Variants in APPL1 observed in about 807,000 individuals in gnomAD.
APPL1 encodes adaptor protein, phosphotyrosine interacting with PH domain and leucine zipper 1.
Under a neutral mutation model 106.8 loss-of-function variants are expected in APPL1, and 42 were observed. The observed-to-expected ratio is 0.39, with a 90% confidence interval of 0.31 to 0.51. The LOEUF (loss-of-function observed/expected upper bound fraction) is 0.51. Ranked by LOEUF, APPL1 falls within the 20% of genes least tolerant of loss-of-function variation. APPL1 has a pLI of 0.75. For missense variants in APPL1, 769 were observed against 858.2 expected, an observed-to-expected ratio of 0.90 and a Z score of 1.30; for synonymous variants, 263 against 281.8, an observed-to-expected ratio of 0.93 and a Z score of 0.67.
At chr3:57,261,056 A>G (rs888842415) in intron 19 of APPL1, among the ~76,000 whole-genome samples, 1 of 152,024 alleles carries the variant, frequency 6.6e-6, no homozygotes, top group Non-Finnish European at 1.5e-5. Flanking sequence ...TATTCTTTCT[A>G]TCGTAATTTA....
chr3:57,235,612 C>T lies in APPL1; in HGVS notation c.101C>T (p.Ser34Phe). Residue 34 changes from serine (S) to phenylalanine (F), a missense_variant, in exon 2 of 22, where the codon TCC becomes TTC. By Grantham distance (155) the Ser-to-Phe change is radical (BLOSUM62 -2). Transcript: ENST00000288266. ...TTTGAAGAAGATGCCACAGCTATTT[C>T]CAACTATATGAACCAGTTGTATCAA... Reference protein sequence around the residue: ...GVFEEDATAISNYMNQLYQAM... With the variant: ...GVFEEDATAIFNYMNQLYQAM... The T allele has an allele frequency of 6.2e-7, 1 of 1,613,440 alleles. No individual in the cohort carries two copies.
rs2060923071 is a variant in APPL1, at chr3:57,269,743, T to C, written c.*56T>C. On this transcript the variant is annotated 3_prime_UTR_variant, in exon 22 of 22. Coordinates refer to ENST00000288266, the MANE Select transcript of APPL1 (RefSeq NM_012096.3). ...GAATTTGACAGTTTCTATGGTGAAA[T>C]GGCAGAAGGTAACAACTATGTTGAA... 2 of 1,569,214 alleles carry C rather than the reference T, an allele frequency of 1.3e-6. No homozygotes were observed. The highest frequency in any genetic ancestry group is 2.7e-5 in the African/African-American group (2 of 74,168).
rs1334189343 is a variant in APPL1 at position 57,269,595 on chromosome 3, A to C, written c.2038A>C (p.Ser680Arg). The change falls in exon 22 of 22, where the codon AGT becomes CGT. Residue 680 changes from serine to arginine, a missense_variant. Transcript: ENST00000288266. ...IAASSRPNQASSEGQFVVLSS... is the reference protein window; with the variant it reads ...IAASSRPNQARSEGQFVVLSS... ...TGCTTCCAGTAGACCAAACCAAGCCAGTAGTGAGGGGCAGTTTGTTGTCCT... is the reference window on the plus strand; with the variant it reads ...TGCTTCCAGTAGACCAAACCAAGCCCGTAGTGAGGGGCAGTTTGTTGTCCT... The C allele has an allele frequency of 6.2e-7, 1 of 1,614,170 alleles. No individual in the cohort carries two copies. The highest frequency in any genetic ancestry group is 1.1e-5 in the South Asian group (1 of 91,076).
chr3:57,254,652 T>G (rs2060825282), intron 13 of APPL1, among the ~76,000 whole-genome samples: 1 of 151,954 alleles, frequency 6.6e-6, no homozygotes, highest in Non-Finnish European at 1.5e-5. Context: ...TGAGACAGAG[T>G]CTTGCGGTGT....
intron 1 of APPL1, among the ~76,000 whole-genome samples, chr3:57,231,750 G>T (rs568156915): frequency 1.3e-5 from 2 of 151,190 alleles, no homozygotes; most frequent in East Asian, 3.9e-4. Flanking sequence ...TGTGGCTGCA[G>T]TGAGCTATGA....
At chr3:57,231,455 T>C (rs925213901) in intron 1 of APPL1, among the ~76,000 whole-genome samples, 2 of 151,702 alleles carry the variant, frequency 1.3e-5, no homozygotes, top group Non-Finnish European at 2.9e-5. Flanking sequence ...TGTGAGCCAC[T>C]GTACCAGGCC....
intron 11 of APPL1, among the ~76,000 whole-genome samples, chr3:57,251,621 A>G (rs756568965): frequency 6.6e-6 from 1 of 151,960 alleles, no homozygotes; most frequent in Non-Finnish European, 1.5e-5. Flanking sequence ...ATGAATGCCA[A>G]TATTGTGTGG....
intron 19 of APPL1, among the ~76,000 whole-genome samples, chr3:57,262,954 C>T (rs914560236): frequency 1.1e-4 from 16 of 150,042 alleles, no homozygotes; most frequent in African/African-American, 3.7e-4. Flanking sequence ...CGGGTTTAAG[C>T]GATTCTCCTG....
intron 1 of APPL1, among the ~76,000 whole-genome samples, chr3:57,235,070 C>T (rs574085620): frequency 1.3e-5 from 2 of 152,210 alleles, no homozygotes; most frequent in East Asian, 1.9e-4. Context: ...ATTGTGCATT[C>T]GGAAAAACCT....
intron 6 of APPL1, 38 bp from the exon 7 acceptor site, chr3:57,242,818 G>T (rs749887154): frequency 4.7e-6 from 7 of 1,487,294 alleles, no homozygotes; most frequent in Non-Finnish European, 5.6e-6. Context: ...GTTTTGAAAA[G>T]TACTGTTGTA....
Position 57,235,547 on chromosome 3 carries a change from T to C in APPL1, c.55-19T>C, listed in dbSNP as rs762997147. 117 of 1,476,854 alleles carry C rather than the reference T, an allele frequency of 7.9e-5. No individual in the cohort carries two copies. Among genetic ancestry groups the C allele is most frequent in the South Asian group, 2.6e-4 (22 of 83,918 alleles). 91.5% of individuals were successfully genotyped at this position (1,476,854 alleles called of 1,614,324 possible). ...TTGTATAATGATTAACATAAACTTA[T>C]TGCTATTGTTTTATACAGACAAGGT... is the stretch of plus-strand genomic sequence containing the variant. On this transcript the variant is annotated intron_variant, in intron 1 of 21. Transcript: ENST00000288266.
At chr3:57,258,510 A>G (rs778903034) in intron 15 of APPL1, among the ~76,000 whole-genome samples, 3 of 152,216 alleles carry the variant, frequency 2.0e-5, no homozygotes, top group Non-Finnish European at 4.4e-5. Flanking sequence ...GTGGTGTGCC[A>G]CAAGCCATGC....
intron 20 of APPL1, chr3:57,268,040 C>G (rs2060906590): frequency 3.6e-6 from 2 of 555,854 alleles, no homozygotes; most frequent in Non-Finnish European, 6.4e-6. Context: ...TTGCAATGAG[C>G]CGAGATCACA....
intron 11 of APPL1, among the ~76,000 whole-genome samples, chr3:57,251,316 G>A (rs2060803363): frequency 6.6e-6 from 1 of 151,360 alleles, no homozygotes; most frequent in African/African-American, 2.4e-5. Context: ...CTGACATCAG[G>A]AGTTTGAGAC....
intron 4 of APPL1, among the ~76,000 whole-genome samples, chr3:57,239,155 C>A (rs1260818658): frequency 3.3e-5 from 5 of 152,154 alleles, no homozygotes; most frequent in African/African-American, 1.2e-4. Flanking sequence ...ACCACGAGAA[C>A]AGTATGGGGG....
intron 9 of APPL1, among the ~76,000 whole-genome samples, chr3:57,247,678 A>G (rs923483098): frequency 2.6e-5 from 4 of 152,096 alleles, no homozygotes; most frequent in African/African-American, 9.7e-5. Context: ...ATTTCATAAT[A>G]GTGATAATTT....
intron 19 of APPL1, among the ~76,000 whole-genome samples, chr3:57,265,619 T>C (rs2060890759): frequency 6.6e-6 from 1 of 152,248 alleles, no homozygotes; most frequent in African/African-American, 2.4e-5. Flanking sequence ...CCTGAAACTT[T>C]ACTGAATTCA....
intron 13 of APPL1, among the ~76,000 whole-genome samples, chr3:57,255,810 A>G (rs1325797173): frequency 3.3e-5 from 5 of 152,206 alleles, no homozygotes; most frequent in Non-Finnish European, 5.9e-5. Flanking sequence ...TAAAATACAA[A>G]TTAAATAATT....
At chr3:57,264,201 C>G (rs1343296206) in intron 19 of APPL1, among the ~76,000 whole-genome samples, 3 of 152,146 alleles carry the variant, frequency 2.0e-5, no homozygotes, top group African/African-American at 7.2e-5. Context: ...AATGTCTATT[C>G]AAATATTTTG....
Sources: allele counts gnomAD v4.1 joint callset (sites outside exome capture counted in the v4.1 genomes callset), GRCh38; gene constraint gnomAD v4.1.1; transcripts MANE v1.5; gene names NCBI Gene and HGNC (gene_info 2026-07-23, HGNC 2026-07-21).